The following ROBO2 variants were observed in gnomAD, a reference collection of about 807,000 sequenced individuals.
ROBO2 encodes roundabout homolog 2.
A neutral mutation model predicts 160.8 loss-of-function variants in ROBO2; 53 were observed. That is an observed-to-expected ratio of 0.33 (90% CI 0.26 to 0.41). The LOEUF (loss-of-function observed/expected upper bound fraction) is 0.41. ROBO2 is among the 10% of genes least tolerant of loss of function. The pLI, the probability that ROBO2 is intolerant of heterozygous loss-of-function variation, is 1.00. For missense variants in ROBO2, 1,577 were observed against 1,722.4 expected (o/e 0.92, Z 1.49); for synonymous variants, 664 against 611.7 (o/e 1.09, Z -1.26).
intron 2 of ROBO2, chr3:75,965,205 A>G (rs1004119519): frequency 1.3e-5 from 2 of 151,792 alleles, no homozygotes; most frequent in African/African-American, 4.8e-5. Flanking sequence ...CCATACCGTT[A>G]AGGTCATACC....
rs1270427887 is a variant in ROBO2, at chr3:77,478,515, C to T, written c.546+944C>T. On this transcript the variant is annotated intron_variant, in intron 3 of 25. Coordinates refer to ENST00000461745, the Ensembl canonical transcript of ROBO2. ...CAGAAACAGGCAAATGGCATGTAAT[C>T]ATTTTATTTCTTCAGAGGATCCACG... is the stretch of plus-strand genomic sequence containing the variant. Among the ~76,000 whole-genome samples the T allele has an allele frequency of 3.9e-5, 6 of 152,260 alleles. No homozygotes were observed. The South Asian group carries it at 1.2e-3, about 32-fold the overall frequency.
intron 1 of ROBO2, among the ~76,000 whole-genome samples, chr3:75,929,470 A>C (rs933287346): frequency 6.6e-6 from 1 of 152,142 alleles, no homozygotes; most frequent in Non-Finnish European, 1.5e-5. Context: ...CCAAAGTACA[A>C]TTGTTGCTCT....
At chr3:76,636,723 G>A (rs2090352973) in intron 2 of ROBO2, among the ~76,000 whole-genome samples, 1 of 152,120 alleles carries the variant, frequency 6.6e-6, no homozygotes, top group Non-Finnish European at 1.5e-5. Context: ...GCCACAGTAG[G>A]ACCCAACCAT....
At chr3:76,969,498 C>T (rs1287258048) in intron 2 of ROBO2, among the ~76,000 whole-genome samples, 1 of 152,088 alleles carries the variant, frequency 6.6e-6, no homozygotes, top group Non-Finnish European at 1.5e-5. Context: ...CAAAGAGCCA[C>T]AAAACCCAAG....
chr3:76,592,197 A>C (rs993096989), intron 2 of ROBO2, among the ~76,000 whole-genome samples: 3 of 152,130 alleles, frequency 2.0e-5, no homozygotes, highest in Non-Finnish European at 2.9e-5. Flanking sequence ...GTGCTTTGCA[A>C]GATGGAAGAG....
intron 7 of ROBO2, among the ~76,000 whole-genome samples, chr3:77,550,599 T>A (rs539659894): frequency 4.6e-5 from 7 of 152,048 alleles, no homozygotes; most frequent in Non-Finnish European, 1.0e-4. Context: ...TTCTTTCAAC[T>A]AGAAAATATT....
intron 2 of ROBO2, among the ~76,000 whole-genome samples, chr3:76,574,107 T>A (rs564078519): frequency 9.2e-5 from 14 of 152,132 alleles, no homozygotes; most frequent in African/African-American, 3.4e-4. Flanking sequence ...TTTTCCGTCC[T>A]GTGCTTTTCC....
chr3:76,224,670 T>G (rs953885015), intron 2 of ROBO2, among the ~76,000 whole-genome samples: 1 of 152,174 alleles, frequency 6.6e-6, no homozygotes, highest in East Asian at 1.9e-4. Flanking sequence ...ACGACTTACC[T>G]AATTCATAAT....
intron 1 of ROBO2, 135 bp downstream of exon 1, chr3:77,040,981 C>G (rs1362831244): frequency 8.9e-7 from 1 of 1,125,922 alleles, no homozygotes; most frequent in Non-Finnish European, 1.3e-6. Flanking sequence ...CCGGCACGGG[C>G]TCCTTGGGGG....
At chr3:76,395,011 A>G (rs2077357350) in intron 2 of ROBO2, among the ~76,000 whole-genome samples, 1 of 152,100 alleles carries the variant, frequency 6.6e-6, no homozygotes, top group Non-Finnish European at 1.5e-5. Context: ...ACCCCAAATC[A>G]ACAGAATATA....
chr3:77,014,609 A>G lies in ROBO2; in HGVS notation c.110-83405A>G, dbSNP rs117807886. Among the ~76,000 whole-genome samples the G allele has an allele frequency of 1.8e-3, 280 of 152,268 alleles. 6 individuals carry two copies. In the East Asian group the frequency reaches 0.039, roughly 21 times the overall value. On this transcript the variant is annotated intron_variant, in intron 2 of 26. Coordinates refer to the ROBO2 transcript ENST00000487694. Reference sequence around the variant, plus strand: ...CCTGCAGCTCTATTTAAACTGTAAGAGCTGTCTCCTGAATTAAAATGCAAG... The same window carrying G: ...CCTGCAGCTCTATTTAAACTGTAAGGGCTGTCTCCTGAATTAAAATGCAAG...
At chr3:77,168,723 C>A (rs138849444) in intron 2 of ROBO2, among the ~76,000 whole-genome samples, 41 of 152,262 alleles carry the variant, frequency 2.7e-4, no homozygotes, top group African/African-American at 9.6e-4. Flanking sequence ...TCTGCTGAGT[C>A]TGGGATGTTT....
chr3:77,019,269 A>C (rs1391812094), intron 2 of ROBO2, among the ~76,000 whole-genome samples: 2 of 152,096 alleles, frequency 1.3e-5, no homozygotes, highest in Non-Finnish European at 2.9e-5. Flanking sequence ...TTTTTGGTTC[A>C]TAAATGGCAC....
intron 2 of ROBO2, among the ~76,000 whole-genome samples, chr3:76,556,417 TAA>T (rs1254922277): frequency 6.6e-6 from 1 of 152,148 alleles, no homozygotes; most frequent in Non-Finnish European, 1.5e-5. Context: ...TTGCTCTGCA[TAA>T]AGAGTGGAGG....
At chr3:76,436,137 A>G (rs1286287622) in intron 2 of ROBO2, among the ~76,000 whole-genome samples, 1 of 88,298 alleles carries the variant, frequency 1.1e-5, no homozygotes, top group Non-Finnish European at 2.5e-5. Flanking sequence ...GCACCTTCCT[A>G]CAGAGATGAC....
intron 2 of ROBO2, among the ~76,000 whole-genome samples, chr3:76,920,420 A>G (rs924302367): frequency 3.9e-5 from 6 of 152,208 alleles, no homozygotes; most frequent in Non-Finnish European, 8.8e-5. Context: ...GTCAGCAGAA[A>G]CAGCTAAGTT....
intron 2 of ROBO2, among the ~76,000 whole-genome samples, chr3:76,479,408 A>G (rs1472292348): frequency 6.6e-6 from 1 of 152,172 alleles, no homozygotes; most frequent in Non-Finnish European, 1.5e-5. Context: ...AAATATGAAA[A>G]TCTGCCTTTC....
chr3:76,764,675 T>C (rs1488268471), intron 2 of ROBO2, among the ~76,000 whole-genome samples: 1 of 151,592 alleles, frequency 6.6e-6, no homozygotes, highest in African/African-American at 2.4e-5. Context: ...CAGAATGACA[T>C]TGTCTTCTGT....
At chr3:76,121,864 A>G (rs2070766275) in intron 2 of ROBO2, among the ~76,000 whole-genome samples, 1 of 152,228 alleles carries the variant, frequency 6.6e-6, no homozygotes, top group Non-Finnish European at 1.5e-5. Flanking sequence ...AAATGTGCCT[A>G]AGTCTACAGC....
Sources: gnomAD v4.1 joint callset for allele counts (sites outside exome capture counted in the v4.1 genomes callset) on GRCh38, gnomAD v4.1.1 for gene constraint, MANE v1.5 for transcripts, NCBI Gene and HGNC (gene_info 2026-07-23, HGNC 2026-07-21) for gene names.